The following MALRD1 variants were observed in gnomAD, a reference collection of about 807,000 sequenced individuals.
MALRD1 encodes MAM and LDL-receptor class A domain-containing protein 1.
Under a neutral mutation model 242.1 loss-of-function variants are expected in MALRD1, and 247 were observed. The observed-to-expected ratio is 1.02, with a 90% CI of 0.92 to 1.13. The LOEUF (loss-of-function observed/expected upper bound fraction) is 1.13. MALRD1 is among the 50% of genes most tolerant of loss of function. The probability of loss-of-function intolerance (pLI) is 0.00; values close to 1 mark genes in which losing one functional copy is unlikely to be tolerated. For missense variants in MALRD1, 2,989 were observed against 2,533.1 expected, an observed-to-expected ratio of 1.18 and a Z score of -3.86; for synonymous variants, 995 against 866.6, an observed-to-expected ratio of 1.15 and a Z score of -2.60.
chr10:19,573,146 G>T (rs139175101), intron 33 of MALRD1, among the ~76,000 whole-genome samples: 1 of 152,164 alleles, frequency 6.6e-6, no homozygotes. Context: ...TGAGCCATGA[G>T]CTCTGGATTC....
chr10:19,280,086 C>G lies in MALRD1; in HGVS notation c.3119C>G (p.Ser1040Ter). Residue 1040 changes from serine (S) to a stop codon, truncating the protein, a stop_gained, in exon 20 of 40, where the codon TCA becomes TGA. Coordinates refer to ENST00000454679, the MANE Select transcript of MALRD1 (RefSeq NM_001142308.3). LOFTEE classifies it high-confidence loss of function. Reference protein sequence around the residue: ...PADLPTPPETSVPVTLPPHNC... With the variant: ...PADLPTPPET ...GACCTCCCAACTCCACCAGAAACGT[C>G]AGTTCCTGTAACATTACCTCCACAC... 6.5e-7 allele frequency: 1 copy of G among 1,530,594 alleles called. No individual in the cohort carries two copies. Among genetic ancestry groups the G allele is most frequent in the Non-Finnish European group, 8.8e-7 (1 of 1,139,368 alleles). The allele number at this position is 1,530,594 out of a possible 1,614,324, so 94.8% of individuals were successfully genotyped here. A position where few individuals can be genotyped will look rare whatever the true frequency, so the allele number is the denominator to read the frequency against.
chr10:19,513,408 A>G (rs1022219310), intron 31 of MALRD1, among the ~76,000 whole-genome samples: 5 of 151,062 alleles, frequency 3.3e-5, no homozygotes, highest in African/African-American at 1.2e-4. Context: ...TTGCAGAACC[A>G]TGAGCCAAAT....
intron 38 of MALRD1, chr10:19,722,655 A>G (rs1214715842): frequency 2.7e-5 from 4 of 149,766 alleles, no homozygotes; most frequent in African/African-American, 9.8e-5. Flanking sequence ...GTGATTATTA[A>G]TTTTGACACC....
Position 19,352,869 on chromosome 10 carries a change from G to T in MALRD1, c.4441+572G>T, listed in dbSNP as rs546195675. 1.2e-4 allele frequency among the ~76,000 whole-genome samples: 19 copies of T among 152,214 alleles called. No individual in the cohort carries two copies. In the South Asian group the frequency reaches 3.9e-3, roughly 32 times the overall value. Reference sequence around the variant, plus strand: ...GTATAATTCCTACAGATACAATGTTGTAAGTAGTAGAATTAGCAAGCACCA... The same window carrying T: ...GTATAATTCCTACAGATACAATGTTTTAAGTAGTAGAATTAGCAAGCACCA... On this transcript the variant is annotated intron_variant, in intron 26 of 39. Transcript: ENST00000454679.
At chr10:19,201,955 G>T (rs1170870374) in intron 14 of MALRD1, among the ~76,000 whole-genome samples, 1 of 151,814 alleles carries the variant, frequency 6.6e-6, no homozygotes, top group Non-Finnish European at 1.5e-5. Context: ...AGCTGGGACT[G>T]CAGATGCATG....
chr10:19,380,472 C>T (rs980895324), intron 26 of MALRD1, among the ~76,000 whole-genome samples: 5 of 151,750 alleles, frequency 3.3e-5, no homozygotes, highest in Admixed American at 2.6e-4. Flanking sequence ...TTTTTGCTTA[C>T]GTTCTTATTT....
At chr10:19,507,061 A>G (rs917102062) in intron 31 of MALRD1, among the ~76,000 whole-genome samples, 1 of 152,080 alleles carries the variant, frequency 6.6e-6, no homozygotes, top group African/African-American at 2.4e-5. Flanking sequence ...AAGCAGGAAC[A>G]AGAGAGAAAG....
At chr10:19,180,103 A>C (rs1194777792) in intron 14 of MALRD1, among the ~76,000 whole-genome samples, 1 of 152,212 alleles carries the variant, frequency 6.6e-6, no homozygotes, top group Non-Finnish European at 1.5e-5. Context: ...ATCCCATTTT[A>C]TTGATTACCT....
intron 19 of MALRD1, among the ~76,000 whole-genome samples, chr10:19,274,937 C>A (rs1840436959): frequency 6.6e-6 from 1 of 151,844 alleles, no homozygotes; most frequent in Admixed American, 6.6e-5. Context: ...ATACTATTTA[C>A]CACAATAAAA....
intron 29 of MALRD1, among the ~76,000 whole-genome samples, chr10:19,466,037 G>T (rs867820746): frequency 1.3e-5 from 2 of 152,060 alleles, no homozygotes; most frequent in African/African-American, 2.4e-5. Flanking sequence ...TGAAATTGTA[G>T]ATTGTTTTAA....
chr10:19,319,743 G>A (rs1384163755), intron 21 of MALRD1, among the ~76,000 whole-genome samples: 1 of 151,922 alleles, frequency 6.6e-6, no homozygotes, highest in African/African-American at 2.4e-5. Context: ...CTTTGTAAGA[G>A]CACTAATCTC....
rs760570715 is a variant in MALRD1 at position 19,347,786 on chromosome 10, G to T, written c.3917G>T (p.Arg1306Leu). The change falls in exon 25 of 40, where the codon CGC (arginine) becomes CTC (leucine). Residue 1306 changes from arginine (R) to leucine (L), a missense_variant. Coordinates refer to ENST00000454679, the MANE Select transcript of MALRD1 (RefSeq NM_001142308.3). ...TATTTTCCAGGTACCTCCAGTGGGC[G>T]CTGTGATTTCGAATTTGATCTTTGT... ...TTFICRTSSG[R>L]CDFEFDLCSW... 32 of 1,550,334 alleles carry T rather than the reference G, an allele frequency of 2.1e-5. 2 individuals carry two copies. In the Admixed American group the frequency reaches 5.5e-4, roughly 27 times the overall value.
intron 21 of MALRD1, among the ~76,000 whole-genome samples, chr10:19,302,472 G>A (rs147756299): frequency 4.6e-4 from 70 of 151,888 alleles, no homozygotes; most frequent in Non-Finnish European, 6.5e-4. Context: ...ATGACGGACC[G>A]TTGTGTGCTA....
chr10:19,350,059 A>G (rs1387538477), intron 25 of MALRD1, among the ~76,000 whole-genome samples: 2 of 152,082 alleles, frequency 1.3e-5, no homozygotes, highest in Non-Finnish European at 1.5e-5. Context: ...GCTAGGAAAT[A>G]TTGGGTCTTC....
intron 14 of MALRD1, among the ~76,000 whole-genome samples, chr10:19,191,774 G>C (rs970225948): frequency 6.6e-6 from 1 of 152,130 alleles, no homozygotes; most frequent in African/African-American, 2.4e-5. Context: ...GAGGTAGGTG[G>C]ATCACCTGAG....
chr10:19,391,408 G>C (rs1010821170), intron 28 of MALRD1, among the ~76,000 whole-genome samples: 1 of 152,124 alleles, frequency 6.6e-6, no homozygotes, highest in Non-Finnish European at 1.5e-5. Context: ...TAGTTATTTG[G>C]CTGTCTCCAT....
chr10:19,167,507 T>G (rs1410812243), intron 13 of MALRD1, among the ~76,000 whole-genome samples: 2 of 152,182 alleles, frequency 1.3e-5, no homozygotes, highest in Admixed American at 1.3e-4. Context: ...ATATAGAGGT[T>G]AAACAGGTAG....
intron 2 of MALRD1, among the ~76,000 whole-genome samples, chr10:19,069,889 G>A (rs186045663): frequency 3.5e-4 from 53 of 151,944 alleles, no homozygotes; most frequent in African/African-American, 1.0e-3. Flanking sequence ...TGAAATGTAC[G>A]CCGTCTGCCA....
At chr10:19,616,938 A>G (rs1839184061) in intron 36 of MALRD1, among the ~76,000 whole-genome samples, 1 of 151,988 alleles carries the variant, frequency 6.6e-6, no homozygotes, top group Non-Finnish European at 1.5e-5. Flanking sequence ...CTTTCCCCAT[A>G]TCAGTTTCCG....
Sources: allele counts gnomAD v4.1 joint callset (sites outside exome capture counted in the v4.1 genomes callset), GRCh38; gene constraint gnomAD v4.1.1; transcripts MANE v1.5; gene names NCBI Gene and HGNC (gene_info 2026-07-23, HGNC 2026-07-21).